PDE1A: variants seen among roughly 807,000 people sequenced by gnomAD.
PDE1A encodes the protein phosphodiesterase 1A, also known as dual specificity calcium/calmodulin-dependent 3',5'-cyclic nucleotide phosphodiesterase 1A.
Under a neutral mutation model 61.7 loss-of-function variants are expected in PDE1A, and 35 were observed. The observed-to-expected ratio is 0.57, with a 90% confidence interval of 0.43 to 0.75. The LOEUF (loss-of-function observed/expected upper bound fraction) is 0.75, where lower values mean the gene tolerates loss of function less well. Among genes scored for constraint, PDE1A ranks in the 30% least tolerant of loss-of-function variants. The pLI is 0.00. For synonymous variants in PDE1A, 232 were observed against 213.2 expected (o/e 1.09, Z -0.77); for missense variants, 597 against 630.6 (o/e 0.95, Z 0.57).
intron 1 of PDE1A, among the ~76,000 whole-genome samples, chr2:182,356,986 A>G (rs868000990): frequency 6.6e-6 from 1 of 152,078 alleles, no homozygotes; most frequent in Non-Finnish European, 1.5e-5. Context: ...AACAATGAGA[A>G]CACTTGGACA....
chr2:182,252,767 G>A (rs1014325107), intron 2 of PDE1A, among the ~76,000 whole-genome samples: 10 of 152,184 alleles, frequency 6.6e-5, no homozygotes, highest in African/African-American at 1.4e-4. Flanking sequence ...AGGACGGCAA[G>A]GTCCCTGTGT....
At chr2:182,559,599 C>T in the PDE1A span, among the ~76,000 whole-genome samples, 3 of 152,104 alleles carry the variant, frequency 2.0e-5, no homozygotes, top group African/African-American at 7.2e-5. Context: ...CATAGGTATA[C>T]CCCATGGCCC....
At chr2:182,339,686 C>G (rs1698059939) in intron 1 of PDE1A, among the ~76,000 whole-genome samples, 1 of 152,170 alleles carries the variant, frequency 6.6e-6, no homozygotes, top group Non-Finnish European at 1.5e-5. Flanking sequence ...GCTGGTCCCT[C>G]TTTCAGAGGA....
the PDE1A span, among the ~76,000 whole-genome samples, chr2:182,556,658 T>C: frequency 6.6e-6 from 1 of 152,182 alleles, no homozygotes; most frequent in Non-Finnish European, 1.5e-5. Context: ...TAAATTTACA[T>C]GAACTTTCAT....
chr2:182,373,470 A>C (rs1490828401), intron 1 of PDE1A, among the ~76,000 whole-genome samples: 2 of 152,232 alleles, frequency 1.3e-5, no homozygotes, highest in African/African-American at 2.4e-5. Context: ...TCATTAAGTG[A>C]TTTGGTCATG....
At chr2:182,194,713 T>C (rs1685992726) in intron 10 of PDE1A, among the ~76,000 whole-genome samples, 1 of 152,060 alleles carries the variant, frequency 6.6e-6, no homozygotes, top group Admixed American at 6.6e-5. Context: ...GTTGATGGGA[T>C]TTTTAAGAAT....
chr2:182,436,592 C>T (rs1684433213), intron 2 of PDE1A, among the ~76,000 whole-genome samples: 2 of 151,866 alleles, frequency 1.3e-5, no homozygotes, highest in South Asian at 4.1e-4. Context: ...ATAATTTTCC[C>T]TCATCTGCTC....
At chr2:182,623,592 A>G in the PDE1A span, among the ~76,000 whole-genome samples, 73 of 152,286 alleles carry the variant, frequency 4.8e-4, no homozygotes, top group African/African-American at 1.6e-3. Flanking sequence ...CTGACTACCT[A>G]CAAGACATCT....
chr2:182,350,097 T>C (rs1002733887), intron 1 of PDE1A, among the ~76,000 whole-genome samples: 1 of 152,184 alleles, frequency 6.6e-6, no homozygotes, highest in African/African-American at 2.4e-5. Flanking sequence ...TACTGTGACT[T>C]CTAACACCAC....
chr2:182,385,659 GAAGA>G (rs1700998831), intron 1 of PDE1A, among the ~76,000 whole-genome samples: 3 of 95,086 alleles, frequency 3.2e-5, no homozygotes, highest in African/African-American at 4.6e-5. Context: ...AAGAAAGAAA[GAAGA>G]AAAAAAGAAA....
intron 13 of PDE1A, among the ~76,000 whole-genome samples, chr2:182,162,457 G>A (rs1406653259): frequency 1.3e-5 from 2 of 152,106 alleles, no homozygotes; most frequent in Non-Finnish European, 2.9e-5. Flanking sequence ...GTCAAGTGAA[G>A]AAAAGTCTAA....
chr2:182,453,471 A>T (rs1422766331), intron 2 of PDE1A, among the ~76,000 whole-genome samples: 2 of 152,072 alleles, frequency 1.3e-5, no homozygotes, highest in Non-Finnish European at 2.9e-5. Flanking sequence ...TTACTTTAAC[A>T]GACGAATTTG....
the PDE1A span, among the ~76,000 whole-genome samples, chr2:182,626,851 A>ATATATACATG: frequency 7.7e-4 from 24 of 31,224 alleles, 3 homozygotes; most frequent in Non-Finnish European, 1.3e-3. Context: ...ATATATACAT[A>ATATATACATG]TATATATACA....
chr2:182,249,495 A>C (rs1270960038), intron 2 of PDE1A, among the ~76,000 whole-genome samples: 1 of 152,076 alleles, frequency 6.6e-6, no homozygotes, highest in African/African-American at 2.4e-5. Context: ...GAAGTGGGGA[A>C]TCATGCCCTG....
intron 2 of PDE1A, among the ~76,000 whole-genome samples, chr2:182,259,229 T>C: frequency 6.6e-6 from 1 of 152,150 alleles, no homozygotes; most frequent in African/African-American, 2.4e-5. Flanking sequence ...AAAAGTCAAC[T>C]GATGTTTTTA....
chr2:182,393,102 T>A (rs1005393172), intron 1 of PDE1A, among the ~76,000 whole-genome samples: 13 of 152,222 alleles, frequency 8.5e-5, no homozygotes, highest in Non-Finnish European at 1.8e-4. Context: ...CTTGCAGAGG[T>A]TCTCCATAAG....
chr2:182,240,023 A>G (rs1690371348), intron 3 of PDE1A, 87 bp downstream of exon 3: 3 of 1,195,220 alleles, frequency 2.5e-6, no homozygotes, highest in Non-Finnish European at 3.5e-6. Flanking sequence ...AATAAGTGAA[A>G]TATAGACTGC....
At chr2:182,184,204 T>C (rs1015179056) in intron 13 of PDE1A, among the ~76,000 whole-genome samples, 1 of 151,614 alleles carries the variant, frequency 6.6e-6, no homozygotes, top group African/African-American at 2.4e-5. Context: ...TTTCTAAATT[T>C]GAAGCAAATT....
intron 7 of PDE1A, among the ~76,000 whole-genome samples, chr2:182,210,298 C>G (rs1388723902): frequency 6.6e-6 from 1 of 152,132 alleles, no homozygotes; most frequent in East Asian, 1.9e-4. Flanking sequence ...TTCTCACCAG[C>G]TTTTGGTGTT....
Sources: gnomAD v4.1 joint callset for allele counts (sites outside exome capture counted in the v4.1 genomes callset) on GRCh38, gnomAD v4.1.1 for gene constraint, MANE v1.5 for transcripts, NCBI Gene and HGNC (gene_info 2026-07-23, HGNC 2026-07-21) for gene names.